TENM4: variants seen among roughly 807,000 people sequenced by gnomAD.
TENM4 encodes teneurin transmembrane protein 4.
TENM4 carries 82 observed loss-of-function variants against 243.3 expected under a neutral mutation model. That is an observed-to-expected ratio of 0.34 (90% CI 0.28 to 0.40). The LOEUF (loss-of-function observed/expected upper bound fraction) is 0.40, where lower values mean the gene tolerates loss of function less well. Ranked by LOEUF, TENM4 falls within the 10% of genes least tolerant of loss-of-function variation. TENM4 has a pLI of 1.00. For synonymous variants in TENM4, 1,412 were observed against 1,456.3 expected, an observed-to-expected ratio of 0.97 and a Z score of 0.69; for missense variants, 3,138 against 3,673.3, an observed-to-expected ratio of 0.85 and a Z score of 3.77.
At chr11:79,054,945 A>C (rs1859903341) in intron 6 of TENM4, among the ~76,000 whole-genome samples, 1 of 152,004 alleles carries the variant, frequency 6.6e-6, no homozygotes, top group Admixed American at 6.5e-5. Flanking sequence ...AGCCTGGCCA[A>C]TCTGGTGAAA....
chr11:79,009,552 G>C (rs142124453), intron 6 of TENM4, among the ~76,000 whole-genome samples: 1 of 152,176 alleles, frequency 6.6e-6, no homozygotes, highest in East Asian at 1.9e-4. Context: ...TGAGATTCAG[G>C]TTCTTTAATT....
intron 6 of TENM4, among the ~76,000 whole-genome samples, chr11:78,937,512 A>G (rs980166283): frequency 6.6e-6 from 1 of 152,124 alleles, no homozygotes; most frequent in East Asian, 1.9e-4. Flanking sequence ...ACATTTCCCA[A>G]ATGTATTTGT....
rs1855853855 is a variant in TENM4 at position 78,738,672 on chromosome 11, C to T, written c.2757-102G>A. The T allele has an allele frequency of 1.1e-5, 14 of 1,239,432 alleles. No individual in the cohort carries two copies. The South Asian group carries it at 2.1e-4, about 18-fold the overall frequency. 76.8% of individuals were successfully genotyped at this position (1,239,432 alleles called of 1,614,324 possible). On this transcript the variant is annotated intron_variant, in intron 19 of 33. Coordinates refer to ENST00000278550, the MANE Select transcript of TENM4 (RefSeq NM_001098816.3). ...GCCAGAAGCCAGAAAATCAGTCACT[C>T]AGACACATCTTGTACCCAGGGGTTC... is the stretch of plus-strand genomic sequence containing the variant.
At position 78,863,135 on chromosome 11, in the gene TENM4, G is replaced by A. The variant is rs1858866562; in HGVS notation, c.1085-3C>T. ...GTTTAGGCCAAACAGGTGCATGGCTGTGGTGAGCAATGAGAAAAGTCATCT... is the reference window on the plus strand; with the variant it reads ...GTTTAGGCCAAACAGGTGCATGGCTATGGTGAGCAATGAGAAAAGTCATCT... On this transcript the variant is annotated splice_region_variant and splice_polypyrimidine_tract_variant and intron_variant, in intron 9 of 33. Coordinates refer to ENST00000278550, the MANE Select transcript of TENM4 (RefSeq NM_001098816.3). The A allele has an allele frequency of 4.0e-6, 6 of 1,493,480 alleles. No individual in the cohort carries two copies. The highest frequency in any genetic ancestry group is 5.4e-6 in the Non-Finnish European group (6 of 1,105,888). 92.5% of individuals were successfully genotyped at this position (1,493,480 alleles called of 1,614,324 possible).
At chr11:79,308,605 C>G (rs1252507457) in intron 1 of TENM4, among the ~76,000 whole-genome samples, 1 of 152,192 alleles carries the variant, frequency 6.6e-6, no homozygotes, top group East Asian at 1.9e-4. Flanking sequence ...GCTCACATTA[C>G]CAACCTCTAA....
intron 6 of TENM4, among the ~76,000 whole-genome samples, chr11:78,920,457 C>T (rs1308635958): frequency 6.6e-6 from 1 of 152,196 alleles, no homozygotes; most frequent in African/African-American, 2.4e-5. Context: ...ATGGGAGCAG[C>T]TGCACCGCTG....
chr11:79,043,980 A>T (rs1022621272), intron 6 of TENM4, among the ~76,000 whole-genome samples: 1 of 152,162 alleles, frequency 6.6e-6, no homozygotes, highest in African/African-American at 2.4e-5. Flanking sequence ...CCGGTTTTGC[A>T]CTAAGCCATA....
intron 1 of TENM4, among the ~76,000 whole-genome samples, chr11:79,310,039 T>C (rs1025361957): frequency 6.6e-6 from 1 of 152,126 alleles, no homozygotes; most frequent in Non-Finnish European, 1.5e-5. Context: ...CAGCAACACA[T>C]GCCACATGGA....
At chr11:78,781,794 C>A (rs1591019213) in intron 16 of TENM4, among the ~76,000 whole-genome samples, 2 of 152,270 alleles carry the variant, frequency 1.3e-5, no homozygotes, top group African/African-American at 4.8e-5. Flanking sequence ...GGTGACAAAC[C>A]ACCAAAGAGA....
chr11:79,066,083 C>T (rs1860238329), intron 5 of TENM4, among the ~76,000 whole-genome samples: 1 of 152,180 alleles, frequency 6.6e-6, no homozygotes, highest in African/African-American at 2.4e-5. Flanking sequence ...TACTGAGATA[C>T]AGCAGTGAAT....
chr11:79,375,276 C>T (rs1252982456), intron 1 of TENM4, among the ~76,000 whole-genome samples: 1 of 152,018 alleles, frequency 6.6e-6, no homozygotes, highest in Non-Finnish European at 1.5e-5. Flanking sequence ...ATTTTTATTA[C>T]AGAAGTCATA....
At chr11:78,665,945 C>CT (rs1249905797) in intron 32 of TENM4, among the ~76,000 whole-genome samples, 1 of 152,196 alleles carries the variant, frequency 6.6e-6, no homozygotes, top group Non-Finnish European at 1.5e-5. Context: ...TCAGTGCATT[C>CT]TTTCCCTCTA....
intron 12 of TENM4, among the ~76,000 whole-genome samples, chr11:78,816,050 A>G (rs1371682830): frequency 6.6e-6 from 1 of 152,236 alleles, no homozygotes; most frequent in East Asian, 1.9e-4. Flanking sequence ...TGAGAAATAC[A>G]GGCCTTGACC....
chr11:79,059,482 G>A (rs560127048), intron 6 of TENM4, among the ~76,000 whole-genome samples: 5 of 152,142 alleles, frequency 3.3e-5, no homozygotes, highest in South Asian at 2.1e-4. Flanking sequence ...AATAGCTCCC[G>A]TGAATTAAGG....
At chr11:79,057,240 C>T (rs1361203679) in intron 6 of TENM4, among the ~76,000 whole-genome samples, 4 of 152,236 alleles carry the variant, frequency 2.6e-5, no homozygotes, top group East Asian at 3.9e-4. Flanking sequence ...CAGAACCCTC[C>T]GTGGCTCCCC....
At chr11:78,824,594 C>T (rs1251391112) in intron 12 of TENM4, among the ~76,000 whole-genome samples, 7 of 151,750 alleles carry the variant, frequency 4.6e-5, no homozygotes, top group African/African-American at 9.7e-5. Context: ...CTCCGCCTCC[C>T]GGTTTCAAGC....
At chr11:79,139,068 T>C (rs1234006899) in intron 4 of TENM4, among the ~76,000 whole-genome samples, 1 of 22,156 alleles carries the variant, frequency 4.5e-5, no homozygotes, top group Non-Finnish European at 6.5e-5. Context: ...ATTATATTTC[T>C]ATAAATATAT....
In TENM4 at chr11:79,096,922, GCGCGCGCACA is replaced by G. The variant is rs1565202258; in HGVS notation, c.-65-26923_-65-26914del. Reference sequence around the variant, plus strand: ...CGTGGGCATGCACGCACATGCGCGCGCGCGCGCACACACACACACACACACACACACACAC... The same window carrying G: ...CGTGGGCATGCACGCACATGCGCGCGCACACACACACACACACACACACAC... On this transcript the variant is annotated intron_variant, in intron 4 of 33. Coordinates refer to ENST00000278550, the MANE Select transcript of TENM4 (RefSeq NM_001098816.3). 2.5e-5 allele frequency: 3 copies of G among 120,062 alleles called. No individual in the cohort carries two copies. The East Asian group carries it at 1.1e-3, about 42-fold the overall frequency. 7.4% of individuals were successfully genotyped at this position (120,062 alleles called of 1,614,324 possible).
At chr11:78,908,940 G>T (rs577462171) in intron 6 of TENM4, among the ~76,000 whole-genome samples, 24 of 152,328 alleles carry the variant, frequency 1.6e-4, no homozygotes, top group African/African-American at 5.8e-4. Flanking sequence ...GTAGTCAGTG[G>T]TTGGGAGGAC....
Sources: allele counts gnomAD v4.1 joint callset (sites outside exome capture counted in the v4.1 genomes callset), GRCh38; gene constraint gnomAD v4.1.1; transcripts MANE v1.5; gene names NCBI Gene and HGNC (gene_info 2026-07-23, HGNC 2026-07-21).